Variants in PITPNC1 observed in about 807,000 individuals in gnomAD.
PITPNC1 encodes the protein phosphatidylinositol transfer protein cytoplasmic 1, also known as cytoplasmic phosphatidylinositol transfer protein 1.
A neutral mutation model predicts 44.7 loss-of-function variants in PITPNC1; 18 were observed. That is an observed-to-expected ratio of 0.40 (90% CI 0.28 to 0.60). The LOEUF is 0.60. PITPNC1 is among the 20% of genes least tolerant of loss of function. The probability of loss-of-function intolerance (pLI) is 0.39; values close to 1 mark genes in which losing one functional copy is unlikely to be tolerated. For synonymous variants in PITPNC1, 141 were observed against 149.6 expected (o/e 0.94, Z 0.42); for missense variants, 290 against 418.4 (o/e 0.69, Z 2.68).
At chr17:67,574,551 A>G (rs773656405) in intron 4 of PITPNC1, among the ~76,000 whole-genome samples, 3 of 152,174 alleles carry the variant, frequency 2.0e-5, no homozygotes, top group African/African-American at 4.8e-5. Flanking sequence ...CAGGGAGCCA[A>G]TCAGGAAGAA....
chr17:67,480,589 G>A (rs990544503), intron 1 of PITPNC1, among the ~76,000 whole-genome samples: 2 of 152,132 alleles, frequency 1.3e-5, no homozygotes, highest in African/African-American at 4.8e-5. Flanking sequence ...ATGATATTAA[G>A]TGAGAGAGTC....
chr17:67,425,160 C>G (rs1320071058), intron 1 of PITPNC1, among the ~76,000 whole-genome samples: 1 of 148,594 alleles, frequency 6.7e-6, no homozygotes. Context: ...CCCGCCTGCA[C>G]CCAGGTGAAA....
At chr17:67,567,498 A>C (rs1363274564) in intron 4 of PITPNC1, among the ~76,000 whole-genome samples, 2 of 151,698 alleles carry the variant, frequency 1.3e-5, no homozygotes, top group African/African-American at 4.8e-5. Context: ...AAAAAAAGAA[A>C]TACCTGGGCG....
chr17:67,547,398 C>T (rs144770881), intron 2 of PITPNC1, among the ~76,000 whole-genome samples: 12 of 152,140 alleles, frequency 7.9e-5, no homozygotes, highest in African/African-American at 1.2e-4. Flanking sequence ...TGCCTTTAGT[C>T]GCAACTACCA....
chr17:67,400,245 T>C (rs539233009), intron 1 of PITPNC1, among the ~76,000 whole-genome samples: 22 of 152,216 alleles, frequency 1.4e-4, no homozygotes, highest in Non-Finnish European at 2.6e-4. Flanking sequence ...TGTGTCATAG[T>C]CATAAAGGCT....
Position 67,425,267 on chromosome 17 carries a change from G to GGAGA in PITPNC1, c.48+47076_48+47079dup, listed in dbSNP as rs373810450. Among the ~76,000 whole-genome samples, 4 of 85,290 alleles carry GGAGA rather than the reference G, an allele frequency of 4.7e-5. No individual in the cohort carries two copies. The South Asian group carries it at 1.5e-3, about 33-fold the overall frequency. 56.0% of individuals were successfully genotyped at this position (85,290 alleles called of 152,430 possible). On this transcript the variant is annotated intron_variant, in intron 1 of 8. Transcript: ENST00000581322. Reference sequence around the variant, plus strand: ...CACACACACACACACACACACAGAGGGAGAGAGAGAGAGAAATGACCTCTC... The same window carrying GGAGA: ...CACACACACACACACACACACAGAGGGAGAGAGAGAGAGAGAGAAATGACCTCTC...
chr17:67,664,387 T>A (rs2042392607), intron 6 of PITPNC1, among the ~76,000 whole-genome samples: 1 of 152,242 alleles, frequency 6.6e-6, no homozygotes, highest in Admixed American at 6.5e-5. Context: ...GTCTCCAGAC[T>A]GCTTTCCACA....
chr17:67,497,242 C>T (rs1165440894), intron 1 of PITPNC1, among the ~76,000 whole-genome samples: 2 of 147,650 alleles, frequency 1.4e-5, no homozygotes, highest in Non-Finnish European at 3.0e-5. Context: ...TTTTTTGAGA[C>T]GGCGTCTCAT....
intron 5 of PITPNC1, among the ~76,000 whole-genome samples, chr17:67,585,636 G>T (rs1032211115): frequency 6.6e-6 from 1 of 151,998 alleles, no homozygotes; most frequent in African/African-American, 2.4e-5. Flanking sequence ...AACCCCATCT[G>T]TACATAAGAA....
intron 1 of PITPNC1, among the ~76,000 whole-genome samples, chr17:67,514,453 G>A (rs61128157): frequency 5.3e-5 from 8 of 150,074 alleles, no homozygotes; most frequent in Non-Finnish European, 7.4e-5. Flanking sequence ...CGCCTGCCTC[G>A]GCCTCCCAAA....
rs1027664626 is a variant in PITPNC1 at position 67,377,916 on chromosome 17, G to A, written c.-239G>A. On this transcript the variant is annotated 5_prime_UTR_variant, in exon 1 of 9. Transcript: ENST00000581322. ...CCCTGACTTTGCAACACCGCGTTCC[G>A]GGAGGACCGGCCTCGGCGAGGGAGG... 2.5e-6 allele frequency: 1 copy of A among 405,190 alleles called. No individual in the cohort carries two copies. The highest frequency in any genetic ancestry group is 4.3e-6 in the Non-Finnish European group (1 of 230,630). The allele number at this position is 405,190 out of a possible 1,614,324, so 25.1% of individuals were successfully genotyped here. A position where few individuals can be genotyped will look rare whatever the true frequency, so the allele number is the denominator to read the frequency against.
In PITPNC1 at chr17:67,693,086, T is replaced by TA. The variant is rs935160519; in HGVS notation, c.*198_*199insA. On this transcript the variant is annotated 3_prime_UTR_variant, in exon 9 of 9. Coordinates refer to ENST00000581322, the MANE Select transcript of PITPNC1 (RefSeq NM_012417.4). Reference sequence around the variant, plus strand: ...ACACAGCATCATATTAGATGTAAGATGTAAGACTTGCAAAGGACAGAAGGA... The same window carrying TA: ...ACACAGCATCATATTAGATGTAAGATAGTAAGACTTGCAAAGGACAGAAGGA... 4.4e-5 allele frequency: 24 copies of TA among 549,088 alleles called. No homozygotes were observed. The highest frequency in any genetic ancestry group is 7.0e-5 in the Non-Finnish European group (22 of 313,062). The allele number at this position is 549,088 out of a possible 1,614,324, so 34.0% of individuals were successfully genotyped here. A position where few individuals can be genotyped will look rare whatever the true frequency, so the allele number is the denominator to read the frequency against.
chr17:67,530,234 G>A (rs1211388487), intron 1 of PITPNC1, among the ~76,000 whole-genome samples: 1 of 151,660 alleles, frequency 6.6e-6, no homozygotes, highest in Admixed American at 6.6e-5. Context: ...TGGACCACAG[G>A]CACCCGCCAC....
chr17:67,546,036 A>G (rs1343465919), intron 2 of PITPNC1, among the ~76,000 whole-genome samples: 1 of 151,926 alleles, frequency 6.6e-6, no homozygotes, highest in Non-Finnish European at 1.5e-5. Flanking sequence ...TAGGAAAAAT[A>G]CAAAAAATTA....
chr17:67,467,080 G>C (rs1023722961), intron 1 of PITPNC1, among the ~76,000 whole-genome samples: 6 of 91,314 alleles, frequency 6.6e-5, no homozygotes, highest in Admixed American at 1.7e-4. Context: ...TTTTTTTTGA[G>C]ATGAATCTTG....
At chr17:67,540,069 CATTTTATTTTATTTTATTTTATTTT>C (rs60946208) in intron 2 of PITPNC1, among the ~76,000 whole-genome samples, 5 of 144,216 alleles carry the variant, frequency 3.5e-5, no homozygotes, top group Non-Finnish European at 7.5e-5. Context: ...GTATCTACTA[CATTTTATTTTATTTTATTTTATTTT>C]ATTTTATTTT....
In PITPNC1 at chr17:67,401,815, C is replaced by T. The variant is rs539180107; in HGVS notation, c.48+23613C>T. On this transcript the variant is annotated intron_variant, in intron 1 of 8. Coordinates refer to ENST00000581322, the MANE Select transcript of PITPNC1 (RefSeq NM_012417.4). ...CCGGGATTGCGCCACTGCACTCAAG[C>T]CTAGAAGACAGAGTGAGACTCTACC... Among the ~76,000 whole-genome samples, 12 of 151,484 alleles carry T rather than the reference C, an allele frequency of 7.9e-5. No individual in the cohort carries two copies. In the East Asian group the frequency reaches 1.8e-3, roughly 22 times the overall value.
At chr17:67,543,217 T>G (rs2040632127) in intron 2 of PITPNC1, among the ~76,000 whole-genome samples, 1 of 152,174 alleles carries the variant, frequency 6.6e-6, no homozygotes, top group East Asian at 1.9e-4. Context: ...CATTCTGCCC[T>G]CATCACCCCC....
chr17:67,538,958 T>A, intron 2 of PITPNC1, among the ~76,000 whole-genome samples: 1 of 150,380 alleles, frequency 6.6e-6, no homozygotes, highest in Middle Eastern at 3.4e-3. Context: ...CTCTTATAGA[T>A]CCTTTTTTTT....
Sources: allele counts gnomAD v4.1 joint callset (sites outside exome capture counted in the v4.1 genomes callset), GRCh38; gene constraint gnomAD v4.1.1; transcripts MANE v1.5; gene names NCBI Gene and HGNC (gene_info 2026-07-23, HGNC 2026-07-21).